Variants in ARHGAP15 observed in about 807,000 individuals in gnomAD.
ARHGAP15 encodes the protein rho GTPase-activating protein 15.
In ARHGAP15, 51 loss-of-function variants were observed where a neutral mutation model predicts 63.7. The observed-to-expected ratio is 0.80, with a 90% CI of 0.64 to 1.01. The LOEUF (loss-of-function observed/expected upper bound fraction) is 1.01, where lower values mean the gene tolerates loss of function less well. Ranked by LOEUF, ARHGAP15 falls within the 50% of genes least tolerant of loss-of-function variation. The pLI, the probability that ARHGAP15 is intolerant of heterozygous loss-of-function variation, is 0.00. For synonymous variants in ARHGAP15, 191 were observed against 193.8 expected, an observed-to-expected ratio of 0.99 and a Z score of 0.12; for missense variants, 560 against 564.6, an observed-to-expected ratio of 0.99 and a Z score of 0.08.
intron 6 of ARHGAP15, among the ~76,000 whole-genome samples, chr2:143,331,471 T>C (rs1310391327): frequency 6.6e-6 from 1 of 152,196 alleles, no homozygotes; most frequent in Non-Finnish European, 1.5e-5. Context: ...TGGTACATGA[T>C]TTGTTTTGTT....
intron 8 of ARHGAP15, among the ~76,000 whole-genome samples, chr2:143,481,733 A>G (rs1435174630): frequency 6.6e-6 from 1 of 152,186 alleles, no homozygotes; most frequent in Admixed American, 6.5e-5. Flanking sequence ...GATTTTTAAT[A>G]GCACAATAGC....
chr2:143,413,971 G>GCA (rs147891307), intron 6 of ARHGAP15, among the ~76,000 whole-genome samples: 6 of 147,640 alleles, frequency 4.1e-5, no homozygotes, highest in South Asian at 4.3e-4. Flanking sequence ...GTGTGTGCGC[G>GCA]CTCTCTGGCA....
chr2:143,210,955 CTA>C (rs1692537109), intron 3 of ARHGAP15, among the ~76,000 whole-genome samples: 1 of 151,452 alleles, frequency 6.6e-6, no homozygotes, highest in Admixed American at 6.6e-5. Context: ...CATACTGAAT[CTA>C]TGTCTAAAGG....
intron 5 of ARHGAP15, 132 bp downstream of exon 5, chr2:143,228,800 C>G: frequency 1.7e-6 from 1 of 580,564 alleles, no homozygotes; most frequent in Non-Finnish European, 2.8e-6. Flanking sequence ...GAAAATGACT[C>G]AATAAACTTT....
intron 6 of ARHGAP15, among the ~76,000 whole-genome samples, chr2:143,254,756 A>C (rs1008469567): frequency 6.6e-6 from 1 of 152,124 alleles, no homozygotes; most frequent in African/African-American, 2.4e-5. Context: ...TATATCCCAT[A>C]CTGTCTTCTA....
intron 6 of ARHGAP15, among the ~76,000 whole-genome samples, chr2:143,370,928 A>G (rs1686521532): frequency 6.6e-6 from 1 of 152,210 alleles, no homozygotes; most frequent in South Asian, 2.1e-4. Context: ...TGTTTGCTTA[A>G]TCATGACTTT....
intron 8 of ARHGAP15, 101 bp from the exon 9 acceptor site, chr2:143,487,272 G>A: frequency 7.6e-7 from 1 of 1,317,498 alleles, no homozygotes; most frequent in African/African-American, 1.5e-5. Flanking sequence ...TATTAATTCA[G>A]GTAGTTGTTT....
At chr2:143,575,454 G>C (rs1430204627) in intron 11 of ARHGAP15, among the ~76,000 whole-genome samples, 1 of 152,126 alleles carries the variant, frequency 6.6e-6, no homozygotes, top group South Asian at 2.1e-4. Flanking sequence ...GGGATAAGGG[G>C]AAGACTATAT....
chr2:143,344,695 T>A (rs138733062), intron 6 of ARHGAP15, among the ~76,000 whole-genome samples: 1 of 152,274 alleles, frequency 6.6e-6, no homozygotes, highest in East Asian at 1.9e-4. Flanking sequence ...AAAAGAACAC[T>A]GTATCACATT....
At chr2:143,639,432 A>C (rs2105269289) in intron 12 of ARHGAP15, among the ~76,000 whole-genome samples, 1 of 152,280 alleles carries the variant, frequency 6.6e-6, no homozygotes, top group Non-Finnish European at 1.5e-5. Context: ...AGTGAAATTC[A>C]AACACACCTA....
Position 143,637,553 on chromosome 2 carries a change from AT to A in ARHGAP15, c.1138+13288del, listed in dbSNP as rs74553960. On this transcript the variant is annotated intron_variant, in intron 12 of 13. Transcript: ENST00000295095. ...AACCCAAGTTTTTAACTACAAATTCATTGTGCCTTCCTCCTAGTATTGTGAT... is the reference window on the plus strand; with the variant it reads ...AACCCAAGTTTTTAACTACAAATTCATGTGCCTTCCTCCTAGTATTGTGAT... Among the ~76,000 whole-genome samples the A allele has an allele frequency of 4.0e-3, 614 of 152,256 alleles. 6 individuals carry two copies. The East Asian group carries it at 0.045, about 11-fold the overall frequency.
chr2:143,193,615 TTGAC>T (rs1382848012), intron 2 of ARHGAP15: 4 of 152,690 alleles, frequency 2.6e-5, no homozygotes, highest in African/African-American at 9.6e-5. Flanking sequence ...TTTTAAATCT[TTGAC>T]TGAGAACCTG....
chr2:143,390,747 ACACACAC>A (rs1558939648), intron 6 of ARHGAP15, among the ~76,000 whole-genome samples: 2 of 150,662 alleles, frequency 1.3e-5, no homozygotes, highest in East Asian at 3.9e-4. Context: ...ACACACACAC[ACACACAC>A]ACACACACAC....
In ARHGAP15 at chr2:143,403,230, A is replaced by G. The variant is rs1242090712; in HGVS notation, c.475-32371A>G. On this transcript the variant is annotated intron_variant, in intron 6 of 13. Transcript: ENST00000295095. ...TTTTTTCTTTTTAGCCTTGAAACCA[A>G]TAAGACCGTTTGATTTCTAGTCTTG... Among the ~76,000 whole-genome samples, 3 of 151,798 alleles carry G rather than the reference A, an allele frequency of 2.0e-5. No homozygotes were observed. In the East Asian group the frequency reaches 5.8e-4, roughly 29 times the overall value.
chr2:143,652,708 T>C (rs904745197), intron 12 of ARHGAP15, among the ~76,000 whole-genome samples: 1 of 152,090 alleles, frequency 6.6e-6, no homozygotes, highest in Non-Finnish European at 1.5e-5. Context: ...TTATTTCATT[T>C]CCTGCTTGTT....
chr2:143,341,158 T>C (rs1013417022), intron 6 of ARHGAP15, among the ~76,000 whole-genome samples: 2 of 152,212 alleles, frequency 1.3e-5, no homozygotes, highest in East Asian at 1.9e-4. Flanking sequence ...CCATTAGATA[T>C]GGCATTTATC....
At chr2:143,283,705 A>G (rs190434197) in intron 6 of ARHGAP15, among the ~76,000 whole-genome samples, 5 of 152,212 alleles carry the variant, frequency 3.3e-5, no homozygotes, top group African/African-American at 1.2e-4. Context: ...TTTCCCCCAC[A>G]TTAAAAAACG....
At chr2:143,643,846 T>G (rs1329132246) in intron 12 of ARHGAP15, among the ~76,000 whole-genome samples, 3 of 152,102 alleles carry the variant, frequency 2.0e-5, no homozygotes, top group African/African-American at 7.2e-5. Context: ...ACCAAGAGGA[T>G]AGAAATGTAC....
intron 9 of ARHGAP15, among the ~76,000 whole-genome samples, chr2:143,509,571 A>G (rs559103387): frequency 6.6e-6 from 1 of 152,344 alleles, no homozygotes; most frequent in South Asian, 2.1e-4. Context: ...ATTCAAAAAC[A>G]TAGGCCATTC....
Sources: allele counts gnomAD v4.1 joint callset (sites outside exome capture counted in the v4.1 genomes callset), GRCh38; gene constraint gnomAD v4.1.1; transcripts MANE v1.5; gene names NCBI Gene and HGNC (gene_info 2026-07-23, HGNC 2026-07-21).